AP2S1: variants seen among roughly 807,000 people sequenced by gnomAD.
AP2S1 encodes adaptor related protein complex 2 subunit sigma 1, also known as AP-2 complex subunit sigma.
AP2S1 carries 6 observed loss-of-function variants against 21.0 expected under a neutral mutation model. The ratio of observed to expected loss-of-function variants is 0.29; its 90% confidence interval spans 0.16 to 0.56. The LOEUF is 0.56. Ranked by LOEUF, AP2S1 falls within the 20% of genes least tolerant of loss-of-function variation. The pLI, the probability that AP2S1 is intolerant of heterozygous loss-of-function variation, is 0.92. For missense variants in AP2S1, 60 were observed against 186.2 expected (o/e 0.32, Z 3.95); for synonymous variants, 63 against 74.6 (o/e 0.84, Z 0.80).
intron 1 of AP2S1, among the ~76,000 whole-genome samples, 194 bp from the exon 2 acceptor site, chr19:46,846,336 C>T (rs2055633219): frequency 1.3e-5 from 2 of 152,072 alleles, no homozygotes; most frequent in African/African-American, 4.8e-5. Context: ...TCCCGGGTCC[C>T]TCCAGCACCC....
At chr19:46,850,617 G>A in intron 1 of AP2S1, 147 bp downstream of exon 1, 1 of 766,234 alleles carries the variant, frequency 1.3e-6, no homozygotes. Context: ...CTCCTTCCCG[G>A]CCCTGGATCG....
At chr19:46,847,340 C>T (rs2055654281) in intron 1 of AP2S1, among the ~76,000 whole-genome samples, 1 of 151,876 alleles carries the variant, frequency 6.6e-6, no homozygotes, top group Non-Finnish European at 1.5e-5. Context: ...TGCAGGCCTC[C>T]CAGGTAGCTG....
At chr19:46,846,329 C>T (rs1456529560) in intron 1 of AP2S1, among the ~76,000 whole-genome samples, 187 bp from the exon 2 acceptor site, 5 of 152,148 alleles carry the variant, frequency 3.3e-5, no homozygotes, top group Admixed American at 6.5e-5. Flanking sequence ...CGCTTCATCC[C>T]GGGTCCCTCC....
chr19:46,840,065 G>A (rs933634431), intron 2 of AP2S1, among the ~76,000 whole-genome samples: 4 of 152,042 alleles, frequency 2.6e-5, no homozygotes, highest in Non-Finnish European at 5.9e-5. Flanking sequence ...TACTTCCTGA[G>A]CAGCTACTCT....
intron 3 of AP2S1, 99 bp downstream of exon 3, chr19:46,839,366 G>T: frequency 7.6e-7 from 1 of 1,312,800 alleles, no homozygotes; most frequent in Non-Finnish European, 1.1e-6. Flanking sequence ...TCACTGCAGA[G>T]GGAGGGCTCA....
At chr19:46,845,755 G>C (rs2122790761) in intron 2 of AP2S1, 1 of 478,980 alleles carries the variant, frequency 2.1e-6, no homozygotes, top group Non-Finnish European at 3.7e-6. Context: ...TGGGTAGTAG[G>C]TATACGAATC....
At position 46,838,349 on chromosome 19, in the gene AP2S1, G is replaced by T; in HGVS notation, c.*98C>A. On this transcript the variant is annotated 3_prime_UTR_variant, in exon 5 of 5. Coordinates refer to ENST00000263270, the MANE Select transcript of AP2S1 (RefSeq NM_004069.6). The surrounding 1 kb of genome is among the most constrained non-coding windows in gnomAD (Gnocchi z 4.1). ...CAGCTGGGTCCCTTCCTCCTAGGCA[G>T]CTGAGGGAAGGACTGCTGGGTTGGC... The T allele has an allele frequency of 1.7e-6, 2 of 1,187,630 alleles. No individual in the cohort carries two copies. Among genetic ancestry groups the T allele is most frequent in the Non-Finnish European group, 1.2e-6 (1 of 812,486 alleles). 73.6% of individuals were successfully genotyped at this position (1,187,630 alleles called of 1,614,324 possible).
In AP2S1 at chr19:46,841,153, C is replaced by T. The variant is rs540204728; in HGVS notation, c.154-1575G>A. On this transcript the variant is annotated intron_variant, in intron 2 of 4. Coordinates refer to ENST00000263270, the MANE Select transcript of AP2S1 (RefSeq NM_004069.6). ...ATTTTTAGTAGAGATGAGGTTTTACCATGTTGGCCAGGCTGGTCTCCAACT... is the reference window on the plus strand; with the variant it reads ...ATTTTTAGTAGAGATGAGGTTTTACTATGTTGGCCAGGCTGGTCTCCAACT... Among the ~76,000 whole-genome samples, 8 of 151,986 alleles carry T rather than the reference C, an allele frequency of 5.3e-5. No individual in the cohort carries two copies. The South Asian group carries it at 1.7e-3, about 32-fold the overall frequency.
intron 2 of AP2S1, among the ~76,000 whole-genome samples, chr19:46,840,013 C>T (rs2055489754): frequency 1.3e-5 from 2 of 152,174 alleles, no homozygotes; most frequent in South Asian, 2.1e-4. Context: ...GAGACAGTCA[C>T]ATCCCTTAGC....
intron 1 of AP2S1, among the ~76,000 whole-genome samples, chr19:46,847,680 G>A (rs1489444452): frequency 6.6e-6 from 1 of 152,112 alleles, no homozygotes; most frequent in East Asian, 1.9e-4. Context: ...CATTGTATAT[G>A]AGTGGAATCA....
intron 3 of AP2S1, 75 bp downstream of exon 3, chr19:46,839,390 A>G (rs1186278352): frequency 6.7e-7 from 1 of 1,497,370 alleles, no homozygotes; most frequent in Non-Finnish European, 9.2e-7. Flanking sequence ...GGGACCAGGG[A>G]GGGTTCCCAG....
In AP2S1 at chr19:46,838,760, G is replaced by A; in HGVS notation, c.307C>T (p.Leu103=). The A allele has an allele frequency of 1.2e-6, 2 of 1,613,322 alleles. No individual in the cohort carries two copies. Among genetic ancestry groups the A allele is most frequent in the South Asian group, 2.2e-5 (2 of 90,998 alleles). ...EYFHNVCELD[L]VFNFYKVYTV... ...CCTACCTTGTAGAAGTTGAACACCAGGTCCAGTTCACAGACATTGTGGAAA... is the reference window on the plus strand; with the variant it reads ...CCTACCTTGTAGAAGTTGAACACCAAGTCCAGTTCACAGACATTGTGGAAA... Residue 103 remains leucine, a synonymous_variant, in exon 4 of 5, where the codon CTG becomes TTG. Transcript: ENST00000263270. This position sits in a 1 kb window ranked among gnomAD's most constrained non-coding sequence, Gnocchi z 4.1.
At chr19:46,841,016 C>A (rs560078191) in intron 2 of AP2S1, among the ~76,000 whole-genome samples, 75 of 152,150 alleles carry the variant, frequency 4.9e-4, no homozygotes, top group Non-Finnish European at 9.0e-4. Context: ...TGCAGCGGCG[C>A]AATCTTGGCT....
chr19:46,838,899 A>G lies in AP2S1; in HGVS notation c.268-100T>C, dbSNP rs1170156263. 2 of 1,090,816 alleles carry G rather than the reference A, an allele frequency of 1.8e-6. No individual in the cohort carries two copies. The highest frequency in any genetic ancestry group is 2.4e-5 in the East Asian group (1 of 41,228). The allele number at this position is 1,090,816 out of a possible 1,614,324, so 67.6% of individuals were successfully genotyped here. ...CATCAGAAAGAGACAGCAAAAAAAG[A>G]GACCAAGGGGGAGGCAGGGGAGAGA... On this transcript the variant is annotated intron_variant, in intron 3 of 4. Coordinates refer to ENST00000263270, the MANE Select transcript of AP2S1 (RefSeq NM_004069.6). This position sits in a 1 kb window ranked among gnomAD's most constrained non-coding sequence, Gnocchi z 4.1.
intron 2 of AP2S1, 149 bp from the exon 3 acceptor site, chr19:46,839,727 C>G: frequency 7.5e-7 from 1 of 1,337,018 alleles, no homozygotes. Context: ...CAGCAGTGAC[C>G]GAGACAGCCC....
chr19:46,838,556 AGG>A lies in AP2S1; in HGVS notation c.328-10_328-9del. 6.2e-7 allele frequency: 1 copy of A among 1,614,132 alleles called. No individual in the cohort carries two copies. The highest frequency in any genetic ancestry group is 8.5e-7 in the Non-Finnish European group (1 of 1,179,980). ...GTCCACGACCGTGTAAACCTGTGTG[AGG>A]GGAGACCCTGGGGTGAGACGAGGCC... On this transcript the variant is annotated splice_polypyrimidine_tract_variant and intron_variant, in intron 4 of 4. Coordinates refer to ENST00000263270, the MANE Select transcript of AP2S1 (RefSeq NM_004069.6). This position sits in a 1 kb window ranked among gnomAD's most constrained non-coding sequence, Gnocchi z 4.1.
chr19:46,850,791 G>C lies in AP2S1; in HGVS notation c.-25C>G, dbSNP rs373702303. 6.4e-7 allele frequency: 1 copy of C among 1,565,254 alleles called. No homozygotes were observed. Among genetic ancestry groups the C allele is most frequent in the South Asian group, 1.2e-5 (1 of 86,936 alleles). On this transcript the variant is annotated 5_prime_UTR_variant, in exon 1 of 5. Coordinates refer to ENST00000263270, the MANE Select transcript of AP2S1 (RefSeq NM_004069.6). ...TGGCGACCCCCGTCCAGACCCCAGC[G>C]GCCCCGGTCCCGCGGCGACTGGGCA...
In AP2S1 at chr19:46,838,902, C is replaced by A. The variant is rs1471571624; in HGVS notation, c.268-103G>T. The A allele has an allele frequency of 2.0e-5, 21 of 1,048,880 alleles. No homozygotes were observed. In the Admixed American group the frequency reaches 4.2e-4, roughly 21 times the overall value. The allele number at this position is 1,048,880 out of a possible 1,614,324, so 65.0% of individuals were successfully genotyped here. On this transcript the variant is annotated intron_variant, in intron 3 of 4. Coordinates refer to ENST00000263270, the MANE Select transcript of AP2S1 (RefSeq NM_004069.6). The surrounding 1 kb of genome is among the most constrained non-coding windows in gnomAD (Gnocchi z 4.1). The stretch of plus-strand genomic sequence containing the variant: ...CAGAAAGAGACAGCAAAAAAAGAGA[C>A]CAAGGGGGAGGCAGGGGAGAGAGAG...
At chr19:46,844,492 C>A (rs2055584863) in intron 2 of AP2S1, among the ~76,000 whole-genome samples, 1 of 152,158 alleles carries the variant, frequency 6.6e-6, no homozygotes, top group Admixed American at 6.6e-5. Context: ...GCCATCCTAA[C>A]CAAACCATTT....
Sources: gnomAD v4.1 joint callset for allele counts (sites outside exome capture counted in the v4.1 genomes callset) on GRCh38, gnomAD v4.1.1 for gene constraint, Gnocchi (gnomAD v3.1) non-coding constraint, MANE v1.5 for transcripts, NCBI Gene and HGNC (gene_info 2026-07-23, HGNC 2026-07-21) for gene names.